Variants in SDK1 observed in about 807,000 individuals in gnomAD.
SDK1 encodes the protein sidekick cell adhesion molecule 1.
Under a neutral mutation model 245.5 loss-of-function variants are expected in SDK1, and 157 were observed. The observed-to-expected ratio is 0.64, with a 90% CI of 0.56 to 0.73. SDK1 has a LOEUF of 0.73. SDK1 is among the 30% of genes least tolerant of loss of function. SDK1 has a pLI of 0.00. For synonymous variants in SDK1, 1,647 were observed against 1,278.5 expected (o/e 1.29, Z -6.15); for missense variants, 3,583 against 3,002.3 (o/e 1.19, Z -4.52).
At chr7:3,912,456 A>G (rs1219476180) in intron 5 of SDK1, among the ~76,000 whole-genome samples, 1 of 152,242 alleles carries the variant, frequency 6.6e-6, no homozygotes, top group African/African-American at 2.4e-5. Context: ...GTGTGGTTCA[A>G]GAAACATTGC....
At chr7:3,913,657 A>G (rs1443855882) in intron 5 of SDK1, among the ~76,000 whole-genome samples, 1 of 152,054 alleles carries the variant, frequency 6.6e-6, no homozygotes, top group Admixed American at 6.5e-5. Context: ...TGCTCTGGTA[A>G]CATCCTTTCC....
chr7:3,582,800 C>G (rs911589837), intron 1 of SDK1, among the ~76,000 whole-genome samples: 2 of 151,906 alleles, frequency 1.3e-5, no homozygotes, highest in East Asian at 1.9e-4. Context: ...TTCACGTTCT[C>G]CAGGCTCTTC....
intron 17 of SDK1, among the ~76,000 whole-genome samples, chr7:4,020,648 TGGG>T (rs1191421998): frequency 2.6e-5 from 4 of 152,020 alleles, no homozygotes; most frequent in East Asian, 3.9e-4. Flanking sequence ...GGGACAGTGG[TGGG>T]GGCGCAGTGA....
At position 4,194,500 on chromosome 7, in the gene SDK1, AT is replaced by A. The variant is rs1185461574; in HGVS notation, c.5099-11377del. Among the ~76,000 whole-genome samples the A allele has an allele frequency of 3.3e-5, 5 of 152,138 alleles. No individual in the cohort carries two copies. The South Asian group carries it at 8.3e-4, about 25-fold the overall frequency. On this transcript the variant is annotated intron_variant, in intron 35 of 44. Transcript: ENST00000404826. ...TATACTCCCATATATATGGGAGTTT[AT>A]TAAGTATTAACTTACAGGATCATAA...
At chr7:3,521,175 T>G (rs895453248) in intron 1 of SDK1, among the ~76,000 whole-genome samples, 1 of 152,194 alleles carries the variant, frequency 6.6e-6, no homozygotes, top group African/African-American at 2.4e-5. Context: ...CTTCGTGTTT[T>G]CCATGTGACC....
intron 1 of SDK1, among the ~76,000 whole-genome samples, chr7:3,492,170 C>T (rs1219209056): frequency 1.3e-5 from 2 of 152,168 alleles, no homozygotes; most frequent in African/African-American, 4.8e-5. Flanking sequence ...TTTTTAAAAT[C>T]TAGAGCATTT....
intron 4 of SDK1, among the ~76,000 whole-genome samples, chr7:3,817,703 C>A (rs1026570626): frequency 1.3e-5 from 2 of 152,180 alleles, no homozygotes; most frequent in African/African-American, 4.8e-5. Context: ...CCCCCATGCC[C>A]AAGGGGTGGG....
At chr7:3,815,068 A>G (rs1308299766) in intron 4 of SDK1, among the ~76,000 whole-genome samples, 1 of 123,402 alleles carries the variant, frequency 8.1e-6, no homozygotes, top group Non-Finnish European at 1.6e-5. Flanking sequence ...AACAGGGACA[A>G]TTTGACTTCC....
chr7:3,816,645 A>G (rs1052667935), intron 4 of SDK1, among the ~76,000 whole-genome samples: 1 of 152,162 alleles, frequency 6.6e-6, no homozygotes, highest in Non-Finnish European at 1.5e-5. Context: ...AGATGGATTC[A>G]CAGCCGAATT....
chr7:4,235,615 C>T (rs180810727), intron 41 of SDK1, among the ~76,000 whole-genome samples: 20 of 152,334 alleles, frequency 1.3e-4, no homozygotes, highest in African/African-American at 4.3e-4. Context: ...CCAAGATTTA[C>T]TGCCTGAGTT....
intron 4 of SDK1, among the ~76,000 whole-genome samples, chr7:3,798,514 GC>G (rs1779024637): frequency 6.6e-6 from 1 of 152,146 alleles, no homozygotes; most frequent in Admixed American, 6.5e-5. Flanking sequence ...ACTGCACCCA[GC>G]CAAACTTGAC....
At chr7:3,330,779 G>A (rs1780047460) in intron 1 of SDK1, among the ~76,000 whole-genome samples, 2 of 143,784 alleles carry the variant, frequency 1.4e-5, no homozygotes, top group Non-Finnish European at 3.0e-5. Context: ...TCGAGACAAT[G>A]TGGGCAACAT....
chr7:4,179,456 C>T (rs1237934047), intron 35 of SDK1, among the ~76,000 whole-genome samples: 1 of 152,036 alleles, frequency 6.6e-6, no homozygotes, highest in Non-Finnish European at 1.5e-5. Flanking sequence ...ATCAGGTGAC[C>T]TTTTGCAATT....
intron 35 of SDK1, among the ~76,000 whole-genome samples, chr7:4,192,496 C>T (rs185306915): frequency 5.3e-5 from 8 of 152,234 alleles, no homozygotes; most frequent in Middle Eastern, 3.4e-3. Flanking sequence ...AGGATGGTCT[C>T]GATCTCCTGA....
intron 4 of SDK1, among the ~76,000 whole-genome samples, chr7:3,736,632 G>A (rs1779325452): frequency 6.6e-6 from 1 of 152,022 alleles, no homozygotes; most frequent in Admixed American, 6.6e-5. Flanking sequence ...CCACTACTGT[G>A]GGAGTTTTTC....
intron 1 of SDK1, among the ~76,000 whole-genome samples, chr7:3,443,133 A>G (rs929844206): frequency 7.9e-5 from 12 of 152,048 alleles, no homozygotes; most frequent in Non-Finnish European, 1.3e-4. Context: ...TGTAATTAAG[A>G]GAGTTCAAGA....
rs1639572462 is a variant in SDK1, at chr7:4,267,721, T to C, written c.*2337T>C. 2 of 985,388 alleles carry C rather than the reference T, an allele frequency of 2.0e-6. No homozygotes were observed. The highest frequency in any genetic ancestry group is 6.1e-5 in the Admixed American group (1 of 16,274). The allele number at this position is 985,388 out of a possible 1,614,324, so 61.0% of individuals were successfully genotyped here. A position where few individuals can be genotyped will look rare whatever the true frequency, so the allele number is the denominator to read the frequency against. On this transcript the variant is annotated 3_prime_UTR_variant, in exon 45 of 45. Transcript: ENST00000404826. ...ATGTTTGTTGCTCTCGGGTTTTCGA[T>C]ACAACATCATGACACTTCTGTTTCA...
chr7:3,463,876 A>G (rs1469446599), intron 1 of SDK1, among the ~76,000 whole-genome samples: 2 of 152,186 alleles, frequency 1.3e-5, no homozygotes, highest in Non-Finnish European at 2.9e-5. Flanking sequence ...CTTCTTGGAC[A>G]CATTCCAGGC....
intron 1 of SDK1, among the ~76,000 whole-genome samples, chr7:3,531,084 G>A (rs1026282420): frequency 1.3e-5 from 2 of 152,148 alleles, no homozygotes; most frequent in Admixed American, 1.3e-4. Flanking sequence ...TCATTTAAGA[G>A]TCTAACAAGA....
Sources: gnomAD v4.1 joint callset for allele counts (sites outside exome capture counted in the v4.1 genomes callset) on GRCh38, gnomAD v4.1.1 for gene constraint, MANE v1.5 for transcripts, NCBI Gene and HGNC (gene_info 2026-07-23, HGNC 2026-07-21) for gene names.